Variants in ABHD18 observed in about 807,000 individuals in gnomAD.
The protein encoded by ABHD18 is cardiolipin-specific deacylase, mitochondrial.
Under a neutral mutation model 65.9 loss-of-function variants are expected in ABHD18, and 55 were observed. That is an observed-to-expected ratio of 0.84 (90% CI 0.67 to 1.05). ABHD18 has a LOEUF of 1.05. ABHD18 is among the 50% of genes least tolerant of loss of function. ABHD18 has a pLI of 0.00. For missense variants in ABHD18, 533 were observed against 558.5 expected (o/e 0.95, Z 0.46); for synonymous variants, 181 against 180.2 (o/e 1.00, Z -0.04).
chr4:127,968,919 T>C (rs965006095), intron 1 of ABHD18, among the ~76,000 whole-genome samples: 1 of 152,162 alleles, frequency 6.6e-6, no homozygotes, highest in African/African-American at 2.4e-5. Context: ...CAACCCTGTC[T>C]AGAAAGACTT....
intron 11 of ABHD18, 115 bp downstream of exon 11, chr4:128,028,968 G>A (rs1757791719): frequency 6.2e-6 from 5 of 810,760 alleles, no homozygotes; most frequent in Non-Finnish European, 9.1e-6. Flanking sequence ...TTTTTTTGTT[G>A]GCTCCAGAAT....
At chr4:127,979,281 C>T (rs1298107572) in intron 1 of ABHD18, among the ~76,000 whole-genome samples, 6 of 152,182 alleles carry the variant, frequency 3.9e-5, no homozygotes, top group East Asian at 1.9e-4. Context: ...AAAGGCTGGG[C>T]GCGGTGGCTC....
At chr4:128,030,348 G>A (rs1374601059) in intron 11 of ABHD18, among the ~76,000 whole-genome samples, 162 bp from the exon 12 acceptor site, 1 of 152,138 alleles carries the variant, frequency 6.6e-6, no homozygotes, top group African/African-American at 2.4e-5. Context: ...ATCATTTTTA[G>A]AATATTTATC....
chr4:128,018,801 G>C (rs1755960154), intron 8 of ABHD18, among the ~76,000 whole-genome samples: 1 of 151,984 alleles, frequency 6.6e-6, no homozygotes, highest in Non-Finnish European at 1.5e-5. Flanking sequence ...ATCACCTGAG[G>C]TCAGGAGTTC....
In ABHD18 at chr4:128,020,142, G is replaced by A. The variant is rs1242107147; in HGVS notation, c.672G>A (p.Trp224Ter). 1.2e-6 allele frequency: 2 copies of A among 1,613,420 alleles called. No homozygotes were observed. Among genetic ancestry groups the A allele is most frequent in the Non-Finnish European group, 1.7e-6 (2 of 1,179,586 alleles). ...TGCCATTGATTCCATGCCTGTCTTG[G>A]TCCACAGCATCTGGGGTCTTCACTA... ...KPMPLIPCLSWSTASGVFTTG... is the reference protein window; with the variant it reads ...KPMPLIPCLS Residue 224 changes from tryptophan (W) to a stop codon, truncating the protein, a stop_gained, in exon 9 of 13, where the codon TGG (tryptophan) becomes TGA (stop). Coordinates refer to ENST00000645843, the MANE Select transcript of ABHD18 (RefSeq NM_001358451.3). LOFTEE classifies it high-confidence loss of function.
chr4:128,017,258 T>G, intron 7 of ABHD18, 105 bp from the exon 8 acceptor site: 5 of 1,052,384 alleles, frequency 4.8e-6, no homozygotes, highest in Non-Finnish European at 6.9e-6. Flanking sequence ...AACTATCTGG[T>G]CCTTTAGAAG....
intron 4 of ABHD18, among the ~76,000 whole-genome samples, chr4:127,992,484 A>G (rs1751083750): frequency 1.3e-5 from 2 of 152,076 alleles, no homozygotes; most frequent in Non-Finnish European, 2.9e-5. Context: ...TTAAAAAAAA[A>G]AGGAATGAAA....
intron 8 of ABHD18, among the ~76,000 whole-genome samples, chr4:128,018,740 A>G (rs908853913): frequency 6.6e-6 from 1 of 152,096 alleles, no homozygotes; most frequent in African/African-American, 2.4e-5. Flanking sequence ...TATGCTGGGC[A>G]CGGTGGTTCA....
chr4:127,997,815 TC>T (rs1433060440), intron 4 of ABHD18, among the ~76,000 whole-genome samples: 2 of 152,116 alleles, frequency 1.3e-5, no homozygotes, highest in African/African-American at 4.8e-5. Context: ...TCTTTATTCT[TC>T]CTTCTTCTTC....
chr4:127,970,104 G>A (rs1317654030), intron 1 of ABHD18, among the ~76,000 whole-genome samples: 1 of 151,706 alleles, frequency 6.6e-6, no homozygotes, highest in Non-Finnish European at 1.5e-5. Flanking sequence ...GCTGGTTTCA[G>A]ATTCCTGAGC....
chr4:128,032,556 C>T (rs887941613), intron 12 of ABHD18, among the ~76,000 whole-genome samples: 4 of 151,474 alleles, frequency 2.6e-5, no homozygotes, highest in African/African-American at 9.7e-5. Flanking sequence ...GTGGTGGGCA[C>T]GCACCTATAG....
At position 127,969,093 on chromosome 4, in the gene ABHD18, T is replaced by A. The variant is rs1219187665; in HGVS notation, c.-18+3487T>A. Among the ~76,000 whole-genome samples the A allele has an allele frequency of 2.0e-5, 3 of 152,314 alleles. No individual in the cohort carries two copies. In the East Asian group the frequency reaches 5.8e-4, roughly 29 times the overall value. ...TCCTCATTTATTAGTTGTTTATTAG[T>A]AGGTAAATATAGTAAGGAATATGCT... is the stretch of plus-strand genomic sequence containing the variant. On this transcript the variant is annotated intron_variant, in intron 1 of 12. Coordinates refer to ENST00000645843, the MANE Select transcript of ABHD18 (RefSeq NM_001358451.3).
chr4:127,979,211 G>A (rs1748522264), intron 1 of ABHD18, among the ~76,000 whole-genome samples: 1 of 152,138 alleles, frequency 6.6e-6, no homozygotes, highest in Non-Finnish European at 1.5e-5. Flanking sequence ...TAAACAAGAG[G>A]AGGAATAGCA....
At chr4:128,023,594 A>C (rs1756887456) in intron 10 of ABHD18, among the ~76,000 whole-genome samples, 1 of 151,640 alleles carries the variant, frequency 6.6e-6, no homozygotes, top group Non-Finnish European at 1.5e-5. Context: ...TTAAAAAAAA[A>C]AAAAAGGCTG....
At chr4:128,031,867 C>A (rs1313787937) in intron 12 of ABHD18, among the ~76,000 whole-genome samples, 1 of 152,130 alleles carries the variant, frequency 6.6e-6, no homozygotes, top group Non-Finnish European at 1.5e-5. Context: ...GGTGAGTGAG[C>A]AGACTATCCA....
chr4:127,986,005 C>T (rs1749881112), intron 3 of ABHD18, among the ~76,000 whole-genome samples: 1 of 152,060 alleles, frequency 6.6e-6, no homozygotes, highest in African/African-American at 2.4e-5. Context: ...CAGAGCTAGA[C>T]TCCGTCTCAA....
chr4:127,991,864 T>A (rs1750985659), intron 4 of ABHD18, among the ~76,000 whole-genome samples: 1 of 152,226 alleles, frequency 6.6e-6, no homozygotes, highest in Non-Finnish European at 1.5e-5. Context: ...CAGAACCCTA[T>A]AAATGAATCT....
intron 10 of ABHD18, among the ~76,000 whole-genome samples, chr4:128,022,133 G>A (rs368502110): frequency 6.6e-6 from 1 of 152,118 alleles, no homozygotes; most frequent in Non-Finnish European, 1.5e-5. Flanking sequence ...AATATAAATG[G>A]CAAGTTGATA....
chr4:128,023,060 C>T (rs890112889), intron 10 of ABHD18, among the ~76,000 whole-genome samples: 3 of 152,020 alleles, frequency 2.0e-5, no homozygotes, highest in Admixed American at 6.6e-5. Flanking sequence ...TGAGCCACCG[C>T]GCCCAGCAAT....
Sources: allele counts gnomAD v4.1 joint callset (sites outside exome capture counted in the v4.1 genomes callset), GRCh38; gene constraint gnomAD v4.1.1; transcripts MANE v1.5; gene names NCBI Gene and HGNC (gene_info 2026-07-23, HGNC 2026-07-21).